Variants in NKAIN2 observed in about 807,000 individuals in gnomAD.
NKAIN2 encodes the protein sodium/potassium transporting ATPase interacting 2.
NKAIN2 carries 14 observed loss-of-function variants against 32.6 expected under a neutral mutation model. That is an observed-to-expected ratio of 0.43 (90% CI 0.28 to 0.67). NKAIN2 has a LOEUF of 0.67. Ranked by LOEUF, NKAIN2 falls within the 30% of genes least tolerant of loss-of-function variation. The pLI is 0.17. For synonymous variants in NKAIN2, 80 were observed against 87.2 expected (o/e 0.92, Z 0.46); for missense variants, 198 against 258.3 (o/e 0.77, Z 1.60).
Position 124,585,803 on chromosome 6 carries a change from T to C in NKAIN2, c.274-72383T>C, listed in dbSNP as rs543629914. On this transcript the variant is annotated intron_variant, in intron 3 of 6. Transcript: ENST00000368417. The stretch of plus-strand genomic sequence containing the variant: ...AGTATAATTTACATACAGCAAAATT[T>C]ACCCTTTTTAGTGAACAACTATGTG... Among the ~76,000 whole-genome samples, 42 of 152,330 alleles carry C rather than the reference T, an allele frequency of 2.8e-4. 2 individuals are homozygous for C. The South Asian group carries it at 8.1e-3, about 29-fold the overall frequency.
intron 3 of NKAIN2, among the ~76,000 whole-genome samples, chr6:124,382,767 T>C (rs62436263): frequency 0.15 from 23,097 of 152,168 alleles, 1,837 homozygotes; most frequent in African/African-American, 0.19. Context: ...GGTTTCAGAC[T>C]TGTTTAAATT....
At chr6:124,319,566 G>A (rs1797089151) in intron 2 of NKAIN2, among the ~76,000 whole-genome samples, 1 of 152,046 alleles carries the variant, frequency 6.6e-6, no homozygotes, top group East Asian at 1.9e-4. Flanking sequence ...TGCTACAAAT[G>A]TTTTCATTAC....
chr6:123,981,907 A>G (rs73557052), intron 1 of NKAIN2, among the ~76,000 whole-genome samples: 6,649 of 152,168 alleles, frequency 0.044, 514 homozygotes, highest in African/African-American at 0.15. Context: ...CTAGGTTAGT[A>G]TTTAATGAAC....
intron 1 of NKAIN2, among the ~76,000 whole-genome samples, chr6:124,084,339 G>A (rs1784102594): frequency 6.6e-6 from 1 of 152,020 alleles, no homozygotes; most frequent in Non-Finnish European, 1.5e-5. Flanking sequence ...CTTTTTCTGT[G>A]TTTAGATATG....
At chr6:124,756,631 A>G (rs1207018096) in intron 4 of NKAIN2, among the ~76,000 whole-genome samples, 1 of 126,352 alleles carries the variant, frequency 7.9e-6, no homozygotes, top group Non-Finnish European at 1.7e-5. Flanking sequence ...CCATCTCTAT[A>G]TAAATAAACA....
chr6:124,556,461 T>C (rs892498821), intron 3 of NKAIN2, among the ~76,000 whole-genome samples: 8 of 152,206 alleles, frequency 5.3e-5, no homozygotes, highest in African/African-American at 1.9e-4. Context: ...GTAGGTTGGC[T>C]ATCACAGGAG....
chr6:124,536,848 A>G (rs1345404208), intron 3 of NKAIN2, among the ~76,000 whole-genome samples: 5 of 152,246 alleles, frequency 3.3e-5, no homozygotes, highest in Non-Finnish European at 5.9e-5. Flanking sequence ...ATAAGGCAAA[A>G]CATGTGAAAC....
intron 3 of NKAIN2, among the ~76,000 whole-genome samples, chr6:124,597,161 A>G (rs1782125904): frequency 1.3e-5 from 2 of 152,128 alleles, no homozygotes; most frequent in African/African-American, 4.8e-5. Context: ...TGCCTAACCA[A>G]ATATCTGGGC....
intron 1 of NKAIN2, among the ~76,000 whole-genome samples, chr6:124,028,397 G>C (rs1441284862): frequency 1.4e-5 from 2 of 142,140 alleles, no homozygotes; most frequent in African/African-American, 5.2e-5. Flanking sequence ...CACTTGAGGT[G>C]GGGGGAGGGG....
At chr6:124,134,479 T>A (rs1332795569) in intron 1 of NKAIN2, among the ~76,000 whole-genome samples, 1 of 151,402 alleles carries the variant, frequency 6.6e-6, no homozygotes, top group Non-Finnish European at 1.5e-5. Flanking sequence ...TGCTCAGGAG[T>A]TCAAGGCTAG....
chr6:123,914,254 A>G (rs573566241), intron 1 of NKAIN2, among the ~76,000 whole-genome samples: 34 of 152,076 alleles, frequency 2.2e-4, no homozygotes, highest in Non-Finnish European at 4.7e-4. Flanking sequence ...AGAGACAGAG[A>G]CAGAGACACA....
At chr6:124,805,417 C>A (rs551333317) in intron 5 of NKAIN2, among the ~76,000 whole-genome samples, 4 of 152,136 alleles carry the variant, frequency 2.6e-5, no homozygotes, top group African/African-American at 9.7e-5. Context: ...TCCAACAGAC[C>A]TGCAGCTGAG....
At chr6:124,772,337 C>T (rs1449180861) in intron 4 of NKAIN2, among the ~76,000 whole-genome samples, 1 of 152,020 alleles carries the variant, frequency 6.6e-6, no homozygotes, top group Non-Finnish European at 1.5e-5. Context: ...GTCAATGGTG[C>T]CATTCCCTGT....
intron 3 of NKAIN2, among the ~76,000 whole-genome samples, chr6:124,605,241 G>A (rs1467242596): frequency 6.6e-6 from 1 of 151,962 alleles, no homozygotes; most frequent in South Asian, 2.1e-4. Flanking sequence ...ACTTTTATTC[G>A]CTGGGTCTGT....
At position 124,244,345 on chromosome 6, in the gene NKAIN2, G is replaced by T. The variant is rs1230657292; in HGVS notation, c.55-38660G>T. Among the ~76,000 whole-genome samples the T allele has an allele frequency of 2.0e-5, 3 of 148,768 alleles. 1 individual carries two copies. The highest frequency in any genetic ancestry group is 4.3e-4 in the South Asian group (2 of 4,704). The stretch of plus-strand genomic sequence containing the variant: ...TATGAGTGAGAATATGCATTGTTTG[G>T]TTTTTTGTTCTTGCGATAGTTTACT... On this transcript the variant is annotated intron_variant, in intron 1 of 6. Transcript: ENST00000368417.
At chr6:124,343,355 A>T (rs1046834092) in intron 2 of NKAIN2, among the ~76,000 whole-genome samples, 3 of 151,080 alleles carry the variant, frequency 2.0e-5, no homozygotes, top group Admixed American at 6.6e-5. Context: ...CAGTAATGGG[A>T]TGGCTGGGTC....
At chr6:124,134,875 A>G (rs1015645209) in intron 1 of NKAIN2, among the ~76,000 whole-genome samples, 6 of 152,302 alleles carry the variant, frequency 3.9e-5, no homozygotes, top group Admixed American at 6.5e-5. Context: ...AAGGAAAAAA[A>G]TCTTAAGAGC....
chr6:124,267,852 G>T (rs776488701), intron 1 of NKAIN2, among the ~76,000 whole-genome samples: 22 of 152,080 alleles, frequency 1.4e-4, no homozygotes, highest in Non-Finnish European at 3.1e-4. Context: ...TTAATTTATT[G>T]TCTATGAATT....
At chr6:124,507,762 A>T (rs1027343053) in intron 3 of NKAIN2, among the ~76,000 whole-genome samples, 6 of 152,240 alleles carry the variant, frequency 3.9e-5, no homozygotes, top group Non-Finnish European at 8.8e-5. Flanking sequence ...TCAGTGGGAC[A>T]GCAAGAACTG....
Sources: allele counts gnomAD v4.1 joint callset (sites outside exome capture counted in the v4.1 genomes callset), GRCh38; gene constraint gnomAD v4.1.1; transcripts MANE v1.5; gene names NCBI Gene and HGNC (gene_info 2026-07-23, HGNC 2026-07-21).